The following PCDHA7 variants were observed in gnomAD, a reference collection of about 807,000 sequenced individuals.
PCDHA7 encodes protocadherin alpha-7.
In PCDHA7, 37 loss-of-function variants were observed where a neutral mutation model predicts 57.2. The observed-to-expected ratio is 0.65, with a 90% CI of 0.50 to 0.85. PCDHA7 has a LOEUF of 0.85. Among genes scored for constraint, PCDHA7 ranks in the 40% least tolerant of loss-of-function variants. The pLI is 0.00. For missense variants in PCDHA7, 1,188 were observed against 1,241.8 expected (o/e 0.96, Z 0.65); for synonymous variants, 553 against 558.8 (o/e 0.99, Z 0.15).
chr5:140,888,210 T>G (rs1395913579), intron 1 of PCDHA7, among the ~76,000 whole-genome samples: 1 of 152,080 alleles, frequency 6.6e-6, no homozygotes, highest in East Asian at 1.9e-4. Context: ...ATGCTGGATT[T>G]TGTGTGTGTG....
At chr5:140,925,138 CA>C (rs2153576707) in intron 1 of PCDHA7, among the ~76,000 whole-genome samples, 1 of 151,676 alleles carries the variant, frequency 6.6e-6, no homozygotes, top group South Asian at 2.1e-4. Flanking sequence ...AAATTTCAAA[CA>C]TACACAAAAG....
At chr5:140,989,060 G>A (rs1233023153) in intron 3 of PCDHA7, 1 of 152,138 alleles carries the variant, frequency 6.6e-6, no homozygotes, top group Non-Finnish European at 1.5e-5. Context: ...CTACATTGAG[G>A]CAATACAGTC....
rs782638942 is a variant in PCDHA7, at chr5:140,876,442, G to T, written c.2355+39704G>T. The T allele has an allele frequency of 1.5e-5, 25 of 1,613,894 alleles. 1 individual carries two copies. The South Asian group carries it at 2.7e-4, about 18-fold the overall frequency. The stretch of plus-strand genomic sequence containing the variant: ...CTATGAAATTCAGGTTAACGCCATT[G>T]ATAAAGGGATTCCTTCCATGGCAGG... On this transcript the variant is annotated intron_variant, in intron 1 of 3. Coordinates refer to ENST00000525929, the MANE Select transcript of PCDHA7 (RefSeq NM_018910.3).
rs1377792748 is a variant in PCDHA7 at position 140,968,353 on chromosome 5, C to T, written c.2356-10596C>T. ...ATGTCTCCATTAACAGTGCCAGTGGCAGCCTTTATGCTGTCAACTCCTTTG... is the reference window on the plus strand; with the variant it reads ...ATGTCTCCATTAACAGTGCCAGTGGTAGCCTTTATGCTGTCAACTCCTTTG... On this transcript the variant is annotated intron_variant, in intron 1 of 3. Coordinates refer to ENST00000525929, the MANE Select transcript of PCDHA7 (RefSeq NM_018910.3). 1.9e-6 allele frequency: 3 copies of T among 1,613,988 alleles called. No individual in the cohort carries two copies. In the African/African-American group the frequency reaches 4.0e-5, roughly 22 times the overall value.
chr5:140,986,154 A>G (rs2097188970), intron 3 of PCDHA7, among the ~76,000 whole-genome samples: 1 of 152,182 alleles, frequency 6.6e-6, no homozygotes, highest in Non-Finnish European at 1.5e-5. Context: ...TCACCAAGTA[A>G]TGTTTTCTGC....
chr5:140,843,319 G>A lies in PCDHA7; in HGVS notation c.2355+6581G>A, dbSNP rs1554139952. On this transcript the variant is annotated intron_variant, in intron 1 of 3. Coordinates refer to ENST00000525929, the MANE Select transcript of PCDHA7 (RefSeq NM_018910.3). The stretch of plus-strand genomic sequence containing the variant: ...CGCTGACCGCCACGGCCACGGTTCT[G>A]GTGTCGCTGGTGGAGAGCGGCCAGG... The A allele has an allele frequency of 5.6e-6, 9 of 1,595,928 alleles. 2 individuals carry two copies. In the African/African-American group the frequency reaches 1.2e-4, roughly 21 times the overall value.
chr5:140,916,161 G>C (rs1469456505), intron 1 of PCDHA7, among the ~76,000 whole-genome samples: 2 of 152,084 alleles, frequency 1.3e-5, no homozygotes, highest in African/African-American at 2.4e-5. Flanking sequence ...GGTGAATGCT[G>C]CCAGGCCTGG....
intron 3 of PCDHA7, 119 bp from the exon 4 acceptor site, chr5:141,009,508 C>T (rs923907688): frequency 6.7e-7 from 1 of 1,496,530 alleles, no homozygotes; most frequent in African/African-American, 1.4e-5. Flanking sequence ...GAACAAACAA[C>T]TCGTGATTTT....
At chr5:140,849,937 A>T (rs1554143515) in intron 1 of PCDHA7, 3 of 1,598,056 alleles carry the variant, frequency 1.9e-6, no homozygotes, top group Non-Finnish European at 2.6e-6. Flanking sequence ...TCTGCGCGGG[A>T]CGCTGACGCG....
intron 1 of PCDHA7, chr5:140,858,161 G>T: frequency 6.3e-7 from 1 of 1,597,836 alleles, no homozygotes; most frequent in Non-Finnish European, 8.6e-7. Flanking sequence ...CATCTGCGCG[G>T]TGTCCAGCTT....
intron 1 of PCDHA7, chr5:140,875,498 C>A (rs782226561): frequency 1.9e-6 from 3 of 1,613,292 alleles, no homozygotes; most frequent in East Asian, 4.5e-5. Flanking sequence ...CCAAGAGGCC[C>A]GGGATCCCAG....
chr5:140,887,456 A>G (rs1291884808), intron 1 of PCDHA7, among the ~76,000 whole-genome samples: 1 of 152,138 alleles, frequency 6.6e-6, no homozygotes, highest in Non-Finnish European at 1.5e-5. Flanking sequence ...CAGTTTTTTA[A>G]AAGATATAAT....
At chr5:140,846,383 T>C (rs1416297479) in intron 1 of PCDHA7, among the ~76,000 whole-genome samples, 1 of 137,386 alleles carries the variant, frequency 7.3e-6, no homozygotes, top group African/African-American at 2.6e-5. Flanking sequence ...CTTTTTTTTT[T>C]TTTTTTTTTG....
chr5:140,877,764 G>A, intron 1 of PCDHA7: 2 of 1,614,160 alleles, frequency 1.2e-6, no homozygotes, highest in Non-Finnish European at 1.7e-6. Context: ...CAGAGAGCCC[G>A]CCCAAGACGG....
chr5:140,955,585 T>G (rs1438222402), intron 1 of PCDHA7, among the ~76,000 whole-genome samples: 1 of 152,198 alleles, frequency 6.6e-6, no homozygotes, highest in African/African-American at 2.4e-5. Context: ...CAATTAAACC[T>G]CTTTCTTTTA....
chr5:140,902,324 C>T (rs1554190388), intron 1 of PCDHA7, among the ~76,000 whole-genome samples: 1 of 151,472 alleles, frequency 6.6e-6, no homozygotes, highest in Non-Finnish European at 1.5e-5. Flanking sequence ...AGGTGTAACT[C>T]ACTTCGCCTG....
chr5:140,884,491 C>G, intron 1 of PCDHA7: 1 of 1,614,052 alleles, frequency 6.2e-7, no homozygotes, highest in East Asian at 2.2e-5. Flanking sequence ...CTCTAGTGTG[C>G]TCCAGCGCGG....
intron 2 of PCDHA7, among the ~76,000 whole-genome samples, chr5:140,980,721 A>G (rs1219290542): frequency 3.9e-5 from 6 of 152,202 alleles, no homozygotes; most frequent in African/African-American, 1.2e-4. Flanking sequence ...TTCGGGTTTC[A>G]ATTAAGATAT....
chr5:140,843,613 A>G, intron 1 of PCDHA7: 1 of 1,596,056 alleles, frequency 6.3e-7, no homozygotes, highest in Non-Finnish European at 8.6e-7. Context: ...GTGAGGGGCC[A>G]CCGAAGACGG....
Sources: allele counts gnomAD v4.1 joint callset (sites outside exome capture counted in the v4.1 genomes callset), GRCh38; gene constraint gnomAD v4.1.1; transcripts MANE v1.5; gene names NCBI Gene and HGNC (gene_info 2026-07-23, HGNC 2026-07-21).